The following C17orf67 variants were observed in gnomAD, a reference collection of about 807,000 sequenced individuals.
C17orf67 encodes the protein uncharacterized protein C17orf67.
C17orf67 carries 12 observed loss-of-function variants against 11.2 expected under a neutral mutation model. That is an observed-to-expected ratio of 1.07 (90% CI 0.68 to 1.73). The LOEUF (loss-of-function observed/expected upper bound fraction) is 1.73. Among genes scored for constraint, C17orf67 ranks in the 40% most tolerant of loss-of-function variants. The pLI is 0.00. For synonymous variants in C17orf67, 59 were observed against 46.9 expected (o/e 1.26, Z -1.05); for missense variants, 115 against 113.5 (o/e 1.01, Z -0.06).
chr17:56,816,260 G>T (rs1052147200), intron 4 of C17orf67, among the ~76,000 whole-genome samples: 2 of 152,168 alleles, frequency 1.3e-5, no homozygotes, highest in African/African-American at 4.8e-5. Context: ...AATCTCAGAG[G>T]TAGGCAGGGA....
chr17:56,825,010 G>A (rs1164204734), intron 3 of C17orf67, 71 bp downstream of exon 3: 3 of 152,112 alleles, frequency 2.0e-5, no homozygotes, highest in Non-Finnish European at 4.4e-5. Context: ...CCGTATATGT[G>A]TTTTATAAAC....
chr17:56,833,473 C>G (rs1225546928), intron 1 of C17orf67, 131 bp from the exon 2 acceptor site: 2 of 151,044 alleles, frequency 1.3e-5, no homozygotes, highest in Admixed American at 6.6e-5. Context: ...CCGCCCGCCA[C>G]GGCAGGGGGC....
chr17:56,824,773 C>G lies in C17orf67; in HGVS notation c.-235G>C, dbSNP rs1397750600. ...GGAACCTTCACATATCAATGATTTA[C>G]TGCTATTTCCCAAAAGGGCCAGCTT... On this transcript the variant is annotated 5_prime_UTR_variant, in exon 4 of 8. Transcript: ENST00000397861. 6.6e-6 allele frequency: 1 copy of G among 152,258 alleles called. No individual in the cohort carries two copies. Among genetic ancestry groups the G allele is most frequent in the African/African-American group, 2.4e-5 (1 of 41,472 alleles). 9.4% of individuals were successfully genotyped at this position (152,258 alleles called of 1,614,324 possible).
intron 4 of C17orf67, among the ~76,000 whole-genome samples, chr17:56,818,921 C>T (rs1030453116): frequency 2.0e-5 from 3 of 152,176 alleles, no homozygotes; most frequent in Non-Finnish European, 4.4e-5. Context: ...TTGTTTCCCT[C>T]ACCCAGCTTC....
intron 2 of C17orf67, among the ~76,000 whole-genome samples, chr17:56,826,759 T>C (rs1393415007): frequency 1.3e-5 from 2 of 152,258 alleles, no homozygotes; most frequent in African/African-American, 2.4e-5. Context: ...GAAGCTGACT[T>C]AGTTGACCAA....
At chr17:56,830,344 C>CAA (rs745537754) in intron 2 of C17orf67, among the ~76,000 whole-genome samples, 2 of 81,408 alleles carry the variant, frequency 2.5e-5, no homozygotes, top group Non-Finnish European at 5.1e-5. Context: ...GACTCCGTCT[C>CAA]AAAAAAAAAA....
intron 6 of C17orf67, among the ~76,000 whole-genome samples, chr17:56,813,347 CTT>C: frequency 6.6e-6 from 1 of 152,072 alleles, no homozygotes; most frequent in African/African-American, 2.4e-5. Flanking sequence ...CCCCCACTCT[CTT>C]GGCTTCTCTA....
chr17:56,812,813 C>T (rs769182712), intron 6 of C17orf67, among the ~76,000 whole-genome samples: 1 of 152,070 alleles, frequency 6.6e-6, no homozygotes, highest in Non-Finnish European at 1.5e-5. Context: ...TGGGAAAAAG[C>T]AAACAGAGGA....
chr17:56,797,175 GAA>G (rs1905229781), intron 6 of C17orf67, among the ~76,000 whole-genome samples: 1 of 152,200 alleles, frequency 6.6e-6, no homozygotes, highest in Non-Finnish European at 1.5e-5. Context: ...AGACTTTAAT[GAA>G]GGGAACATTC....
chr17:56,833,295 G>A lies in C17orf67; in HGVS notation c.-954C>T, dbSNP rs886139997. The A allele has an allele frequency of 6.5e-6, 1 of 155,002 alleles. No individual in the cohort carries two copies. Among genetic ancestry groups the A allele is most frequent in the Non-Finnish European group, 1.4e-5 (1 of 69,526 alleles). The allele number at this position is 155,002 out of a possible 1,614,324, so 9.6% of individuals were successfully genotyped here. A position where few individuals can be genotyped will look rare whatever the true frequency, so the allele number is the denominator to read the frequency against. ...GTGGTCGCGGCTCAGGTCCGTGTTG[G>A]GCTGGTAGGACTCCAGCGGGGAGCG... On this transcript the variant is annotated 5_prime_UTR_variant, in exon 2 of 8. Coordinates refer to ENST00000397861, the MANE Select transcript of C17orf67 (RefSeq NM_001085430.4).
intron 4 of C17orf67, among the ~76,000 whole-genome samples, chr17:56,819,695 C>G (rs747346647): frequency 1.3e-5 from 2 of 152,070 alleles, no homozygotes; most frequent in Non-Finnish European, 1.5e-5. Flanking sequence ...ATAGAAAGAC[C>G]GAAAGAGCAA....
At chr17:56,819,069 C>T (rs1905834871) in intron 4 of C17orf67, among the ~76,000 whole-genome samples, 1 of 152,160 alleles carries the variant, frequency 6.6e-6, no homozygotes, top group East Asian at 1.9e-4. Context: ...CCTCATCTTC[C>T]CATGAGAGTC....
At chr17:56,807,805 G>A (rs1276440940) in intron 6 of C17orf67, among the ~76,000 whole-genome samples, 2 of 151,746 alleles carry the variant, frequency 1.3e-5, no homozygotes, top group South Asian at 2.1e-4. Flanking sequence ...CAAGAGGATC[G>A]CTTGAGCCCA....
At position 56,800,663 on chromosome 17, in the gene C17orf67, G is replaced by A. The variant is rs192875342; in HGVS notation, c.157-5483C>T. 2.5e-3 allele frequency among the ~76,000 whole-genome samples: 377 copies of A among 152,240 alleles called. 1 individual carries two copies. Among genetic ancestry groups the A allele is most frequent in the Non-Finnish European group, 3.8e-3 (256 of 68,000 alleles). On this transcript the variant is annotated intron_variant, in intron 6 of 7. Transcript: ENST00000397861. ...TTATTTTCCCATCTCACTCTTACCT[G>A]ACTTTTCAGGCCTCAGCTTAGATGT... is the stretch of plus-strand genomic sequence containing the variant.
At chr17:56,803,684 T>C (rs1905378669) in intron 6 of C17orf67, among the ~76,000 whole-genome samples, 1 of 152,224 alleles carries the variant, frequency 6.6e-6, no homozygotes. Context: ...TTGATATCTG[T>C]GTCAGTCTGC....
At chr17:56,810,188 C>T (rs925402291) in intron 6 of C17orf67, among the ~76,000 whole-genome samples, 8 of 140,276 alleles carry the variant, frequency 5.7e-5, no homozygotes, top group Non-Finnish European at 9.2e-5. Context: ...TTGAACACAC[C>T]CTTCACACAC....
intron 6 of C17orf67, among the ~76,000 whole-genome samples, chr17:56,811,472 C>A (rs1905623429): frequency 6.6e-6 from 1 of 152,144 alleles, no homozygotes; most frequent in African/African-American, 2.4e-5. Context: ...CCAGTTGGAG[C>A]TCGAGACTCT....
chr17:56,818,154 T>A (rs62072678), intron 4 of C17orf67, among the ~76,000 whole-genome samples: 1 of 147,700 alleles, frequency 6.8e-6, no homozygotes. Context: ...AGTAGCATTA[T>A]TTAAAAAAAA....
intron 6 of C17orf67, among the ~76,000 whole-genome samples, chr17:56,799,984 G>GCAA (rs1555590469): frequency 7.1e-6 from 1 of 140,362 alleles, no homozygotes; most frequent in Non-Finnish European, 1.5e-5. Flanking sequence ...TTAAAGTCAT[G>GCAA]AAAAAAAAAA....
Sources: gnomAD v4.1 joint callset for allele counts (sites outside exome capture counted in the v4.1 genomes callset) on GRCh38, gnomAD v4.1.1 for gene constraint, MANE v1.5 for transcripts, NCBI Gene and HGNC (gene_info 2026-07-23, HGNC 2026-07-21) for gene names.